GSE1: variants seen among roughly 807,000 people sequenced by gnomAD.
GSE1 encodes the protein Gse1 coiled-coil protein.
A neutral mutation model predicts 112.6 loss-of-function variants in GSE1; 32 were observed. That is an observed-to-expected ratio of 0.28 (90% confidence interval 0.21 to 0.38). GSE1 has a LOEUF of 0.38. Among genes scored for constraint, GSE1 ranks in the 10% least tolerant of loss-of-function variants. The pLI is 1.00. For synonymous variants in GSE1, 1,115 were observed against 735.6 expected (o/e 1.52, Z -8.35); for missense variants, 2,348 against 1,699.2 (o/e 1.38, Z -6.71).
intron 2 of GSE1, among the ~76,000 whole-genome samples, chr16:85,372,486 CAAAAAAAA>C (rs3030350): frequency 1.1e-5 from 1 of 87,556 alleles, no homozygotes; most frequent in African/African-American, 4.3e-5. Flanking sequence ...CTCTGTCTCA[CAAAAAAAA>C]AAAAAAAAAA....
chr16:85,303,735 T>G (rs573914426), intron 1 of GSE1, among the ~76,000 whole-genome samples: 88 of 152,346 alleles, frequency 5.8e-4, no homozygotes, highest in Non-Finnish European at 8.4e-4. Flanking sequence ...CCTCCCGAGT[T>G]CTGGGGGCAC....
At chr16:85,283,472 C>G (rs1295979702) in intron 1 of GSE1, 1 of 152,680 alleles carries the variant, frequency 6.5e-6, no homozygotes, top group East Asian at 1.9e-4. Context: ...CTCGTGAGAG[C>G]CGCAGGCCCT....
chr16:85,560,128 C>CT (rs377241566), intron 1 of GSE1, among the ~76,000 whole-genome samples: 52,851 of 99,452 alleles, frequency 0.53, 14,336 homozygotes, highest in East Asian at 0.7. Context: ...TCTTCTTCTT[C>CT]TTTTTTTTTT....
Position 85,615,286 on chromosome 16 carries a change from C to T in GSE1, c.7+1888C>T, listed in dbSNP as rs551989019. 2.0e-3 allele frequency among the ~76,000 whole-genome samples: 298 copies of T among 152,328 alleles called. 1 individual carries two copies. Among genetic ancestry groups the T allele is most frequent in the African/African-American group, 6.8e-3 (283 of 41,558 alleles). ...GGCCGCCGGCTGTGCAGGGAGTCGC[C>T]CCGCCCAGGTAGATTCAGGAGCGCT... On this transcript the variant is annotated intron_variant, in intron 1 of 15. Transcript: ENST00000253458.
chr16:85,331,231 C>A (rs759730617), intron 1 of GSE1, among the ~76,000 whole-genome samples: 2 of 150,388 alleles, frequency 1.3e-5, no homozygotes, highest in African/African-American at 4.9e-5. Flanking sequence ...CGGCTCACTG[C>A]AACCTCCACC....
In GSE1 at chr16:85,246,256, TAC is replaced by T. The variant is rs560365750; in HGVS notation, c.2283+74466_2283+74467del. On this transcript the variant is annotated intron_variant, in intron 1 of 2. Transcript: ENST00000637419. ...ACACACACGCACACCACACGCTGTC[TAC>T]ACACACACACACACACCCCACACGC... 8.0e-3 allele frequency among the ~76,000 whole-genome samples: 695 copies of T among 86,942 alleles called. 11 individuals are homozygous for T. The highest frequency in any genetic ancestry group is 0.031 in the African/African-American group (617 of 19,726). The allele number at this position is 86,942 out of a possible 152,430, so 57.0% of individuals were successfully genotyped here.
chr16:85,374,538 G>GTC (rs2047376682), intron 2 of GSE1, among the ~76,000 whole-genome samples: 1 of 20,566 alleles, frequency 4.9e-5, no homozygotes, highest in Admixed American at 1.1e-3. Flanking sequence ...GTGTGTGTGT[G>GTC]TGTGTGCGCG....
intron 1 of GSE1, among the ~76,000 whole-genome samples, chr16:85,176,602 C>T (rs527793716): frequency 2.6e-5 from 4 of 152,380 alleles, no homozygotes; most frequent in South Asian, 2.1e-4. Flanking sequence ...GCGGGCGGGC[C>T]GCGCTTCCCG....
chr16:85,408,817 C>T (rs1412174628), intron 2 of GSE1, among the ~76,000 whole-genome samples: 6 of 63,798 alleles, frequency 9.4e-5, no homozygotes, highest in African/African-American at 4.4e-4. Flanking sequence ...ACTCAGGGCC[C>T]CCCGGATAAT....
chr16:85,356,358 G>A (rs1003323740), intron 1 of GSE1, among the ~76,000 whole-genome samples: 2 of 152,258 alleles, frequency 1.3e-5, no homozygotes, highest in East Asian at 1.9e-4. Context: ...GCCCTCGCAC[G>A]GGTCCGTTCC....
chr16:85,545,773 T>G (rs1247190286), intron 2 of GSE1, among the ~76,000 whole-genome samples: 1 of 135,202 alleles, frequency 7.4e-6, no homozygotes, highest in East Asian at 2.0e-4. Context: ...GTTTTTTTGG[T>G]TTGTTTGTTT....
chr16:85,510,298 C>T (rs933596672), intron 2 of GSE1, among the ~76,000 whole-genome samples: 1 of 152,230 alleles, frequency 6.6e-6, no homozygotes, highest in Admixed American at 6.5e-5. Context: ...AGGCCCAGCA[C>T]GAAAGACTCC....
chr16:85,457,896 C>T (rs2049873548), intron 2 of GSE1, among the ~76,000 whole-genome samples: 2 of 152,238 alleles, frequency 1.3e-5, no homozygotes, highest in Non-Finnish European at 1.5e-5. Context: ...GCTTTCCATA[C>T]ACTGCCTCAT....
At chr16:85,639,010 C>T (rs937451229) in intron 2 of GSE1, among the ~76,000 whole-genome samples, 43 of 152,196 alleles carry the variant, frequency 2.8e-4, no homozygotes, top group African/African-American at 1.0e-3. Flanking sequence ...CCACGCAGAA[C>T]ATTCTAGAAG....
At chr16:85,655,392 G>T (rs2051831824) in intron 5 of GSE1, among the ~76,000 whole-genome samples, 1 of 152,306 alleles carries the variant, frequency 6.6e-6, no homozygotes, top group South Asian at 2.1e-4. Flanking sequence ...GGTCAGAGGG[G>T]CCTGTAGTCA....
At chr16:85,549,568 T>C (rs776195326) in intron 2 of GSE1, among the ~76,000 whole-genome samples, 18 of 152,174 alleles carry the variant, frequency 1.2e-4, no homozygotes, top group Non-Finnish European at 2.1e-4. Context: ...GGTTAGATGC[T>C]CTGAGAGGAG....
At chr16:85,323,414 A>T (rs2046157474) in intron 1 of GSE1, among the ~76,000 whole-genome samples, 1 of 152,132 alleles carries the variant, frequency 6.6e-6, no homozygotes, top group Non-Finnish European at 1.5e-5. Flanking sequence ...CTTGGGAGTT[A>T]GAGTCTCAGG....
intron 2 of GSE1, among the ~76,000 whole-genome samples, chr16:85,465,060 C>T (rs1361249794): frequency 2.6e-5 from 4 of 152,234 alleles, no homozygotes; most frequent in African/African-American, 9.6e-5. Flanking sequence ...GGAGCCTGGG[C>T]AGTCCCACTC....
chr16:85,649,051 G>T (rs2051117922), intron 3 of GSE1, among the ~76,000 whole-genome samples: 1 of 152,084 alleles, frequency 6.6e-6, no homozygotes. Flanking sequence ...GGGCCGGCAG[G>T]GCTGGTTTCC....
Sources: allele counts gnomAD v4.1 joint callset (sites outside exome capture counted in the v4.1 genomes callset), GRCh38; gene constraint gnomAD v4.1.1; transcripts MANE v1.5; gene names NCBI Gene and HGNC (gene_info 2026-07-23, HGNC 2026-07-21).